Variants in MET observed in about 807,000 individuals in gnomAD.
The protein encoded by MET is MET proto-oncogene, receptor tyrosine kinase.
Under a neutral mutation model 133.1 loss-of-function variants are expected in MET, and 48 were observed. The observed-to-expected ratio is 0.36, with a 90% CI of 0.29 to 0.46. MET has a LOEUF of 0.46. MET is among the 20% of genes least tolerant of loss of function. MET has a pLI of 1.00. For missense variants in MET, 1,442 were observed against 1,695.9 expected (o/e 0.85, Z 2.63); for synonymous variants, 628 against 616.5 (o/e 1.02, Z -0.28).
intron 2 of MET, among the ~76,000 whole-genome samples, chr7:116,702,358 T>C (rs1313948364): frequency 6.6e-6 from 1 of 151,952 alleles, no homozygotes; most frequent in East Asian, 1.9e-4. Flanking sequence ...GTTACAAAGA[T>C]CAAAATTCTT....
chr7:116,771,717 G>A (rs1242757118), intron 13 of MET, 63 bp downstream of exon 13: 1 of 1,608,754 alleles, frequency 6.2e-7, no homozygotes, highest in African/African-American at 1.3e-5. Context: ...TACAGTTTAA[G>A]ATTGTCGTCG....
At chr7:116,675,105 A>G (rs1436933061) in intron 1 of MET, among the ~76,000 whole-genome samples, 1 of 152,246 alleles carries the variant, frequency 6.6e-6, no homozygotes, top group African/African-American at 2.4e-5. Context: ...GTCACTTCTC[A>G]GTAATAAATG....
intron 5 of MET, among the ~76,000 whole-genome samples, chr7:116,743,661 C>T (rs1793548257): frequency 6.6e-6 from 1 of 152,188 alleles, no homozygotes; most frequent in South Asian, 2.1e-4. Context: ...GCAGCAAATC[C>T]CCCAGCACAG....
chr7:116,699,298 G>C lies in MET; in HGVS notation c.214G>C (p.Val72Leu), dbSNP rs762253815. Residue 72 changes from valine to leucine, a missense_variant, in exon 2 of 21, where the codon GTT (valine) becomes CTT (leucine). Physicochemically the swap from Val to Leu is conservative, Grantham distance 32. This residue lies in a region of MET where 762 missense variants were observed against 792.4 expected (regional missense o/e 0.96). Transcript: ENST00000397752. ...CCTTGGTGCCACTAACTACATTTAT[G>C]TTTTAAATGAGGAAGACCTTCAGAA... is the stretch of plus-strand genomic sequence containing the variant. ...IFLGATNYIYVLNEEDLQKVA... is the reference protein window; with the variant it reads ...IFLGATNYIYLLNEEDLQKVA... The C allele has an allele frequency of 8.1e-6, 13 of 1,614,032 alleles. No individual in the cohort carries two copies. Among genetic ancestry groups the C allele is most frequent in the Non-Finnish European group, 5.1e-6 (6 of 1,179,952 alleles).
chr7:116,787,848 A>T (rs899271927), intron 19 of MET, among the ~76,000 whole-genome samples: 1 of 152,202 alleles, frequency 6.6e-6, no homozygotes, highest in South Asian at 2.1e-4. Context: ...GAAATGAAAC[A>T]TATGCCCACA....
At chr7:116,777,544 T>C (rs943965270) in intron 16 of MET, 75 bp downstream of exon 16, 10 of 1,369,610 alleles carry the variant, frequency 7.3e-6, no homozygotes, top group African/African-American at 1.4e-5. Flanking sequence ...TAATAAAACG[T>C]TGATTTACAC....
In MET at chr7:116,699,578, A is replaced by G. The variant is rs1791486595; in HGVS notation, c.494A>G (p.Gln165Arg). Residue 165 changes from glutamine (Q) to arginine (R), a missense_variant, in exon 2 of 21, where the codon CAG (glutamine) becomes CGG (arginine). Transcript: ENST00000397752. ...GAGGTTCACTGCATATTCTCCCCAC[A>G]GATAGAAGAGCCCAGCCAGTGTCCT... ...QSEVHCIFSP[Q>R]IEEPSQCPDC... The G allele has an allele frequency of 6.2e-7, 1 of 1,614,000 alleles. No individual in the cohort carries two copies. The highest frequency in any genetic ancestry group is 8.5e-7 in the Non-Finnish European group (1 of 1,179,938).
intron 19 of MET, among the ~76,000 whole-genome samples, chr7:116,784,313 G>A (rs1187627139): frequency 1.3e-5 from 2 of 152,060 alleles, no homozygotes; most frequent in African/African-American, 2.4e-5. Flanking sequence ...CTGGTAATGT[G>A]GAAACAAAAA....
Position 116,769,636 on chromosome 7 carries a change from T to G in MET, c.2584-9T>G, listed in dbSNP as rs74994656. 9 of 1,601,250 alleles carry G rather than the reference T, an allele frequency of 5.6e-6. No homozygotes were observed. In the South Asian group the frequency reaches 9.9e-5, roughly 18 times the overall value. ...TGTTAACAACCTTTTTTTTTTTTTT[T>G]CCTTTCAGGGAAATGATATTGACCC... is the stretch of plus-strand genomic sequence containing the variant. On this transcript the variant is annotated splice_polypyrimidine_tract_variant and intron_variant, in intron 11 of 20. Coordinates refer to ENST00000397752, the MANE Select transcript of MET (RefSeq NM_000245.4).
chr7:116,768,226 C>T (rs1470738104), intron 11 of MET, among the ~76,000 whole-genome samples: 1 of 152,074 alleles, frequency 6.6e-6, no homozygotes, highest in East Asian at 1.9e-4. Context: ...ACATTCATCC[C>T]TTCCCCCAAC....
At chr7:116,742,976 A>C (rs1793521573) in intron 5 of MET, among the ~76,000 whole-genome samples, 1 of 152,232 alleles carries the variant, frequency 6.6e-6, no homozygotes, top group Non-Finnish European at 1.5e-5. Flanking sequence ...TCCGGTCTGC[A>C]GCTCGCAGCA....
At chr7:116,697,731 A>G (rs918106759) in intron 1 of MET, among the ~76,000 whole-genome samples, 1 of 152,202 alleles carries the variant, frequency 6.6e-6, no homozygotes, top group African/African-American at 2.4e-5. Context: ...CCTGGACCTC[A>G]CAACATGGTG....
At chr7:116,749,190 A>C (rs190087766) in intron 5 of MET, among the ~76,000 whole-genome samples, 54 of 152,350 alleles carry the variant, frequency 3.5e-4, no homozygotes, top group African/African-American at 1.3e-3. Context: ...CCTGATGAAC[A>C]TCGATGTGAA....
chr7:116,695,528 C>G (rs868431935), intron 1 of MET, among the ~76,000 whole-genome samples: 4 of 152,130 alleles, frequency 2.6e-5, no homozygotes, highest in African/African-American at 7.2e-5. Context: ...AGTCACACAG[C>G]TAGAGAGGGA....
intron 3 of MET, among the ~76,000 whole-genome samples, chr7:116,738,719 T>C (rs555443453): frequency 6.6e-6 from 1 of 152,296 alleles, no homozygotes; most frequent in East Asian, 1.9e-4. Context: ...TTGAGAATCT[T>C]CCCAAATTGC....
chr7:116,702,601 C>T (rs185580081), intron 2 of MET, among the ~76,000 whole-genome samples: 8 of 152,278 alleles, frequency 5.3e-5, no homozygotes, highest in Admixed American at 3.9e-4. Context: ...GGCCAGAAAT[C>T]AAGTGACCCT....
At position 116,774,142 on chromosome 7, in the gene MET, C is replaced by T. The variant is rs561830898; in HGVS notation, c.3029-739C>T. ...ATTGACTATCAGCACCATTTCTTCC[C>T]CTGAAATAAAAAAAAAAATTCTCCT... On this transcript the variant is annotated intron_variant, in intron 14 of 20. Transcript: ENST00000397752. Among the ~76,000 whole-genome samples, 3 of 152,088 alleles carry T rather than the reference C, an allele frequency of 2.0e-5. No homozygotes were observed. The South Asian group carries it at 6.2e-4, about 32-fold the overall frequency.
chr7:116,795,965 A>C lies in MET; in HGVS notation c.4014A>C (p.Ser1338=). The change falls in exon 21 of 21, where the codon TCA becomes TCC. Residue 1338 remains serine, a synonymous_variant. Transcript: ENST00000397752. ...TTTCTGAACTGGTGTCCCGGATATC[A>C]GCGATCTTCTCTACTTTCATTGGGG... ...PSFSELVSRI[S]AIFSTFIGEH... is the part of the protein sequence containing the mutation. 6.2e-7 allele frequency: 1 copy of C among 1,614,196 alleles called. No individual in the cohort carries two copies. The highest frequency in any genetic ancestry group is 8.5e-7 in the Non-Finnish European group (1 of 1,180,018).
rs34589476 is a variant in MET at position 116,771,869 on chromosome 7, C to T, written c.2908C>T (p.Arg970Cys). The change falls in exon 14 of 21, where the codon CGC becomes TGC. Residue 970 changes from arginine (R) to cysteine (C), a missense_variant. Arg to Cys is a radical substitution (Grantham distance 180). Coordinates refer to ENST00000397752, the MANE Select transcript of MET (RefSeq NM_000245.4). ...QIKDLGSELV[R>C]YDARVHTPHL... Reference sequence around the variant, plus strand: ...TTAAGATCTGGGCAGTGAATTAGTTCGCTACGATGCAAGAGTACACACTCC... The same window carrying T: ...TTAAGATCTGGGCAGTGAATTAGTTTGCTACGATGCAAGAGTACACACTCC... 7,390 of 1,613,774 alleles carry T rather than the reference C, an allele frequency of 4.6e-3. 20 individuals are homozygous for T. The highest frequency in any genetic ancestry group is 5.8e-3 in the Non-Finnish European group (6,840 of 1,179,822).
Sources: allele counts gnomAD v4.1 joint callset (sites outside exome capture counted in the v4.1 genomes callset), GRCh38; gene constraint gnomAD v4.1.1; regional missense constraint gnomAD v4.1.1; transcripts MANE v1.5; gene names NCBI Gene and HGNC (gene_info 2026-07-23, HGNC 2026-07-21).